The following RMDN2 variants were observed in gnomAD, a reference collection of about 807,000 sequenced individuals.
RMDN2 encodes the protein regulator of microtubule dynamics protein 2.
In RMDN2, 61 loss-of-function variants were observed where a neutral mutation model predicts 52.8. The observed-to-expected ratio is 1.16, with a 90% confidence interval of 0.94 to 1.43. The LOEUF (loss-of-function observed/expected upper bound fraction) is 1.43, where lower values mean the gene tolerates loss of function less well. Among genes scored for constraint, RMDN2 ranks in the 40% most tolerant of loss-of-function variants. The pLI is 0.00. For synonymous variants in RMDN2, 180 were observed against 153.1 expected (o/e 1.18, Z -1.30); for missense variants, 592 against 475.3 (o/e 1.25, Z -2.28).
chr2:37,955,467 T>C (rs1220640638), intron 2 of RMDN2, among the ~76,000 whole-genome samples: 3 of 152,158 alleles, frequency 2.0e-5, no homozygotes, highest in Admixed American at 2.0e-4. Flanking sequence ...TGTTTTTCCC[T>C]TCATTTTGTT....
chr2:37,924,664 G>C (rs2124869912), upstream of RMDN2, among the ~76,000 whole-genome samples: 2 of 152,344 alleles, frequency 1.3e-5, no homozygotes, highest in Middle Eastern at 6.8e-3. Flanking sequence ...ACCGCGCCCG[G>C]CCCAGTTTTT....
intron 10 of RMDN2, among the ~76,000 whole-genome samples, chr2:38,044,481 C>A (rs1681151383): frequency 6.6e-6 from 1 of 151,782 alleles, no homozygotes; most frequent in South Asian, 2.1e-4. Flanking sequence ...CCTTTTGTTT[C>A]TTTTCCTTTT....
At chr2:37,975,991 C>A (rs1307344013) in intron 4 of RMDN2, among the ~76,000 whole-genome samples, 1 of 152,206 alleles carries the variant, frequency 6.6e-6, no homozygotes, top group Non-Finnish European at 1.5e-5. Flanking sequence ...CAAGTGTCTT[C>A]AGCAGTTGTC....
At chr2:38,063,955 AAAC>A (rs35615781) in intron 10 of RMDN2, among the ~76,000 whole-genome samples, 27,850 of 152,084 alleles carry the variant, frequency 0.18, 2,658 homozygotes, top group Middle Eastern at 0.22. Flanking sequence ...CCATCACAGA[AAAC>A]AATAGTGAAT....
chr2:37,943,896 C>T lies in RMDN2; in HGVS notation c.452+14167C>T, dbSNP rs1356170806. On this transcript the variant is annotated intron_variant, in intron 2 of 10. Coordinates refer to ENST00000354545, the MANE Select transcript of RMDN2 (RefSeq NM_001170791.3). ...CTACTCCCCATATCTTTGCTCTGCA[C>T]GGTCACCTTGCCCCTCCCCCACCAC... Among the ~76,000 whole-genome samples the T allele has an allele frequency of 3.3e-5, 5 of 152,066 alleles. No individual in the cohort carries two copies. The East Asian group carries it at 5.8e-4, about 18-fold the overall frequency.
At chr2:38,061,471 T>G (rs1429593910) in intron 10 of RMDN2, among the ~76,000 whole-genome samples, 1 of 152,132 alleles carries the variant, frequency 6.6e-6, no homozygotes, top group African/African-American at 2.4e-5. Flanking sequence ...AACCCTCTTT[T>G]TTTTTTAAGG....
chr2:37,943,053 C>G (rs931667503), intron 2 of RMDN2, among the ~76,000 whole-genome samples: 1 of 152,204 alleles, frequency 6.6e-6, no homozygotes, highest in Non-Finnish European at 1.5e-5. Flanking sequence ...AGCAGCCATC[C>G]ACATGCCACC....
intron 5 of RMDN2, among the ~76,000 whole-genome samples, chr2:37,985,539 G>A (rs1010672818): frequency 3.0e-4 from 45 of 152,130 alleles, no homozygotes; most frequent in South Asian, 1.7e-3. Flanking sequence ...CTGACTAAAC[G>A]GTTTGAGGCT....
At chr2:38,039,706 G>A (rs1189603131) in intron 10 of RMDN2, among the ~76,000 whole-genome samples, 1 of 152,214 alleles carries the variant, frequency 6.6e-6, no homozygotes, top group Admixed American at 6.5e-5. Context: ...CCCTGAAGGT[G>A]CACATGGGGT....
At chr2:38,025,375 T>G (rs987178852) in intron 10 of RMDN2, among the ~76,000 whole-genome samples, 6 of 152,260 alleles carry the variant, frequency 3.9e-5, no homozygotes, top group East Asian at 1.9e-4. Flanking sequence ...TGGTAGCGTT[T>G]TTGTAGATTC....
intron 2 of RMDN2, among the ~76,000 whole-genome samples, chr2:37,936,054 C>T (rs1667261082): frequency 6.6e-6 from 1 of 152,130 alleles, no homozygotes; most frequent in African/African-American, 2.4e-5. Flanking sequence ...CCCCATACTC[C>T]CCACCTGCTG....
chr2:37,939,390 A>C (rs1011632858), intron 2 of RMDN2, among the ~76,000 whole-genome samples: 1 of 152,134 alleles, frequency 6.6e-6, no homozygotes, highest in East Asian at 1.9e-4. Flanking sequence ...GGAGAGTTCT[A>C]TAGATGTCTA....
chr2:37,942,800 ACT>A (rs1667906887), intron 2 of RMDN2, among the ~76,000 whole-genome samples: 1 of 152,216 alleles, frequency 6.6e-6, no homozygotes, highest in Non-Finnish European at 1.5e-5. Context: ...TGTGGCAGGC[ACT>A]GTCTGAACTC....
chr2:37,983,949 T>A (rs187469044), intron 5 of RMDN2, among the ~76,000 whole-genome samples: 1 of 152,170 alleles, frequency 6.6e-6, no homozygotes, highest in East Asian at 1.9e-4. Context: ...AGCAGCAGAG[T>A]AGTTGCAAAA....
At chr2:38,021,150 A>C (rs145526525), downstream of RMDN2, among the ~76,000 whole-genome samples, 1,776 of 152,224 alleles carry the variant, frequency 0.012, 11 homozygotes, top group Non-Finnish European at 0.017. Flanking sequence ...CAACTTGGAG[A>C]ACCTTCATGT....
chr2:37,951,504 G>C (rs1392182005), intron 2 of RMDN2: 1 of 1,611,914 alleles, frequency 6.2e-7, no homozygotes, highest in East Asian at 2.2e-5. Context: ...ACAAAGTAGA[G>C]CTAACTTTGA....
At chr2:37,944,501 T>A (rs1309965235) in intron 2 of RMDN2, among the ~76,000 whole-genome samples, 1 of 152,158 alleles carries the variant, frequency 6.6e-6, no homozygotes, top group African/African-American at 2.4e-5. Flanking sequence ...CAGGGTGTAG[T>A]TTGCCAACCT....
intron 7 of RMDN2, among the ~76,000 whole-genome samples, chr2:37,993,210 C>T (rs528650963): frequency 1.4e-4 from 22 of 152,302 alleles, no homozygotes; most frequent in African/African-American, 4.1e-4. Context: ...CAGGCATGAA[C>T]CACCGCACCT....
intron 2 of RMDN2, among the ~76,000 whole-genome samples, chr2:37,943,381 C>G (rs114518040): frequency 1.9e-3 from 295 of 152,260 alleles, no homozygotes; most frequent in African/African-American, 6.5e-3. Context: ...TGGTAAAAAG[C>G]CACAGGTTTT....
Sources: gnomAD v4.1 joint callset for allele counts (sites outside exome capture counted in the v4.1 genomes callset) on GRCh38, gnomAD v4.1.1 for gene constraint, MANE v1.5 for transcripts, NCBI Gene and HGNC (gene_info 2026-07-23, HGNC 2026-07-21) for gene names.